TVP23B: variants seen among roughly 807,000 people sequenced by gnomAD.
The protein encoded by TVP23B is Golgi apparatus membrane protein TVP23 homolog B.
Under a neutral mutation model 30.6 loss-of-function variants are expected in TVP23B, and 10 were observed. The ratio of observed to expected loss-of-function variants is 0.33; its 90% CI spans 0.20 to 0.55. The LOEUF is 0.55. Ranked by LOEUF, TVP23B falls within the 20% of genes least tolerant of loss-of-function variation. The pLI is 0.91. For missense variants in TVP23B, 153 were observed against 243.2 expected, an observed-to-expected ratio of 0.63 and a Z score of 2.47; for synonymous variants, 67 against 83.1, an observed-to-expected ratio of 0.81 and a Z score of 1.06.
At chr17:18,787,811 G>T (rs919379781) in intron 1 of TVP23B, among the ~76,000 whole-genome samples, 5 of 151,898 alleles carry the variant, frequency 3.3e-5, no homozygotes, top group African/African-American at 1.2e-4. Context: ...TTATGTGAAG[G>T]AGTTAAATTT....
intron 6 of TVP23B, chr17:18,804,683 G>C (rs1424441833): frequency 1.1e-5 from 7 of 624,356 alleles, no homozygotes; most frequent in Non-Finnish European, 1.5e-5. Context: ...CTGCCCCCCG[G>C]GTTCATGTGA....
At chr17:18,800,658 C>T (rs1358402005) in intron 5 of TVP23B, among the ~76,000 whole-genome samples, 3 of 151,820 alleles carry the variant, frequency 2.0e-5, no homozygotes, top group Non-Finnish European at 4.4e-5. Flanking sequence ...TCATGTAACC[C>T]AGATGTATCT....
In TVP23B at chr17:18,806,271, A is replaced by G; in HGVS notation, c.*704A>G. 1 of 970,098 alleles carries G rather than the reference A, an allele frequency of 1.0e-6. No individual in the cohort carries two copies. The highest frequency in any genetic ancestry group is 1.2e-6 in the Non-Finnish European group (1 of 815,864). 60.1% of individuals were successfully genotyped at this position (970,098 alleles called of 1,614,324 possible). ...TATTTATTTTACAGAAAGGATAGCT[A>G]GATTGAAAGCTCTTCAGTGGACCTT... On this transcript the variant is annotated 3_prime_UTR_variant, in exon 7 of 7. Coordinates refer to ENST00000307767, the MANE Select transcript of TVP23B (RefSeq NM_016078.6).
chr17:18,794,007 AG>A (rs2036038605), intron 3 of TVP23B, among the ~76,000 whole-genome samples: 2 of 151,754 alleles, frequency 1.3e-5, no homozygotes, highest in South Asian at 2.1e-4. Context: ...TAAGAGGAAC[AG>A]AAAAAGGTGA....
At chr17:18,782,643 T>G (rs1403340961) in intron 1 of TVP23B, 1 of 152,218 alleles carries the variant, frequency 6.6e-6, no homozygotes, top group East Asian at 1.9e-4. Flanking sequence ...GGTGGCCCAT[T>G]TTTATGGGTA....
chr17:18,799,395 C>T (rs185562837), intron 5 of TVP23B, among the ~76,000 whole-genome samples: 153 of 151,962 alleles, frequency 1.0e-3, no homozygotes, highest in African/African-American at 3.5e-3. Context: ...CATGGCCTCT[C>T]CACATGTTTT....
Position 18,804,204 on chromosome 17 carries a change from C to T in TVP23B, c.529C>T (p.Arg177Cys), listed in dbSNP as rs368765288. 30 of 1,610,782 alleles carry T rather than the reference C, an allele frequency of 1.9e-5. No individual in the cohort carries two copies. Among genetic ancestry groups the T allele is most frequent in the African/African-American group, 1.3e-4 (10 of 74,582 alleles). ...NLYGYIRCKVRSRKHLTSMAT... is the reference protein window; with the variant it reads ...NLYGYIRCKVCSRKHLTSMAT... ...GTATGGTTACATCAGGTGTAAGGTG[C>T]GCAGCAGAAAGCATTTAACCAGCAT... Residue 177 changes from arginine (R) to cysteine (C), a missense_variant, in exon 6 of 7, where the codon CGC becomes TGC. Physicochemically the swap from Arg to Cys is radical, Grantham distance 180. Around this residue, in one of 3 missense-constraint regions of TVP23B, gnomAD observed 62 missense variants for 74.3 expected, o/e 0.83. Coordinates refer to ENST00000307767, the MANE Select transcript of TVP23B (RefSeq NM_016078.6).
chr17:18,802,957 C>T (rs576561187), intron 5 of TVP23B, among the ~76,000 whole-genome samples: 5 of 152,256 alleles, frequency 3.3e-5, no homozygotes, highest in Non-Finnish European at 5.9e-5. Flanking sequence ...TACACTAACA[C>T]GTTTAATTCC....
intron 5 of TVP23B, among the ~76,000 whole-genome samples, chr17:18,802,797 A>G (rs2532470): frequency 3.9e-5 from 6 of 152,224 alleles, no homozygotes; most frequent in South Asian, 4.1e-4. Flanking sequence ...AGCAGGACCC[A>G]TGATTGGTCT....
chr17:18,781,573 C>T (rs1056476794), intron 1 of TVP23B: 3 of 506,364 alleles, frequency 5.9e-6, no homozygotes, highest in Non-Finnish European at 6.8e-6. Context: ...GTGGGGGTCT[C>T]TCTTTCCTCA....
chr17:18,781,215 G>C lies in TVP23B; in HGVS notation c.-79G>C. 1 of 1,544,456 alleles carries C rather than the reference G, an allele frequency of 6.5e-7. No homozygotes were observed. The highest frequency in any genetic ancestry group is 1.4e-5 in the African/African-American group (1 of 73,080). Reference sequence around the variant, plus strand: ...TGGTCCCTGCTGGCCCTTGGTGACGGGTCGCCTCAGTTCCGACCCGGACCC... The same window carrying C: ...TGGTCCCTGCTGGCCCTTGGTGACGCGTCGCCTCAGTTCCGACCCGGACCC... On this transcript the variant is annotated 5_prime_UTR_variant, in exon 1 of 7. Coordinates refer to ENST00000307767, the MANE Select transcript of TVP23B (RefSeq NM_016078.6).
At position 18,789,454 on chromosome 17, in the gene TVP23B, C is replaced by G. The variant is rs1306206620; in HGVS notation, c.95+19C>G. 3.1e-6 allele frequency: 5 copies of G among 1,613,824 alleles called. No homozygotes were observed. The Admixed American group carries it at 5.0e-5, about 16-fold the overall frequency. On this transcript the variant is annotated intron_variant, in intron 2 of 6. Transcript: ENST00000307767. Reference sequence around the variant, plus strand: ...AAATCAGGTAGGAGGAGAGAAGTTGCATGAGCTGTGTTAGTGTCCAGTGCT... The same window carrying G: ...AAATCAGGTAGGAGGAGAGAAGTTGGATGAGCTGTGTTAGTGTCCAGTGCT...
rs747329083 is a variant in TVP23B at position 18,798,902 on chromosome 17, T to C, written c.421T>C (p.Phe141Leu). 3 of 1,613,638 alleles carry C rather than the reference T, an allele frequency of 1.9e-6. No individual in the cohort carries two copies. The highest frequency in any genetic ancestry group is 3.3e-5 in the Admixed American group (2 of 59,956). Residue 141 changes from phenylalanine to leucine, a missense_variant, in exon 5 of 7, where the codon TTT (phenylalanine) becomes CTT (leucine). By Grantham distance (22) the Phe-to-Leu change is conservative. Coordinates refer to ENST00000307767, the MANE Select transcript of TVP23B (RefSeq NM_016078.6). ...LIACPVLWVI[F>L]AFSALFSFRV... Reference sequence around the variant, plus strand: ...TGCCTGTCCAGTACTGTGGGTGATATTTGCTTTTAGTGCACTCTTCTCCTT... The same window carrying C: ...TGCCTGTCCAGTACTGTGGGTGATACTTGCTTTTAGTGCACTCTTCTCCTT...
At chr17:18,799,614 G>T (rs2036126841) in intron 5 of TVP23B, among the ~76,000 whole-genome samples, 1 of 152,152 alleles carries the variant, frequency 6.6e-6, no homozygotes, top group Non-Finnish European at 1.5e-5. Context: ...ATAAGAAGGT[G>T]CTAGAAGACT....
intron 2 of TVP23B, among the ~76,000 whole-genome samples, chr17:18,790,338 C>T (rs562090962): frequency 6.6e-6 from 1 of 151,802 alleles, no homozygotes; most frequent in East Asian, 1.9e-4. Flanking sequence ...GTGGCAGGCG[C>T]CTGTAGTCCC....
intron 5 of TVP23B, among the ~76,000 whole-genome samples, chr17:18,801,758 G>A (rs966271879): frequency 6.6e-6 from 1 of 152,012 alleles, no homozygotes; most frequent in Non-Finnish European, 1.5e-5. Context: ...ACAAAACAGG[G>A]AGAGGTTATG....
chr17:18,798,884 C>T lies in TVP23B; in HGVS notation c.403C>T (p.Pro135Ser). 6.2e-7 allele frequency: 1 copy of T among 1,613,702 alleles called. No homozygotes were observed. Among genetic ancestry groups the T allele is most frequent in the East Asian group, 2.2e-5 (1 of 44,816 alleles). Residue 135 changes from proline to serine, a missense_variant, in exon 5 of 7, where the codon CCA becomes TCA. Around this residue, in one of 3 missense-constraint regions of TVP23B, gnomAD observed 53 missense variants for 128.0 expected, o/e 0.41. Transcript: ENST00000307767. ...CTTTTGGTTGGGACTTATTGCCTGTCCAGTACTGTGGGTGATATTTGCTTT... is the reference window on the plus strand; with the variant it reads ...CTTTTGGTTGGGACTTATTGCCTGTTCAGTACTGTGGGTGATATTTGCTTT... Reference protein sequence around the residue: ...RIFWLGLIACPVLWVIFAFSA... With the variant: ...RIFWLGLIACSVLWVIFAFSA...
intron 3 of TVP23B, among the ~76,000 whole-genome samples, chr17:18,792,740 C>A (rs1460374829): frequency 3.3e-5 from 5 of 152,074 alleles, no homozygotes; most frequent in Admixed American, 2.0e-4. Context: ...AAAAATGGCA[C>A]CCTTTTATCC....
chr17:18,790,327 G>C (rs935311494), intron 2 of TVP23B, among the ~76,000 whole-genome samples: 5 of 151,804 alleles, frequency 3.3e-5, no homozygotes, highest in African/African-American at 7.3e-5. Flanking sequence ...AGCCGGGCGT[G>C]GTGGCAGGCG....
Sources: gnomAD v4.1 joint callset for allele counts (sites outside exome capture counted in the v4.1 genomes callset) on GRCh38, gnomAD v4.1.1 for gene constraint, gnomAD v4.1.1 regional missense constraint, MANE v1.5 for transcripts, NCBI Gene and HGNC (gene_info 2026-07-23, HGNC 2026-07-21) for gene names.